The following LRTM3 variants were observed in gnomAD, a reference collection of about 807,000 sequenced individuals.
LRTM3 encodes the protein leucine-rich repeat transmembrane protein 3.
the LRTM3 span, chr13:102,749,188 T>G: frequency 5.2e-6 from 8 of 1,550,740 alleles, no homozygotes; most frequent in Non-Finnish European, 6.1e-6. Flanking sequence ...TTTGAAATAC[T>G]TGTGAAGTTG....
the LRTM3 span, chr13:102,747,350 AT>A: frequency 6.5e-6 from 10 of 1,550,226 alleles, no homozygotes; most frequent in African/African-American, 1.4e-5. Flanking sequence ...ATTGCCTCCC[AT>A]TTTTTTCCTG....
the LRTM3 span, chr13:102,735,995 T>G: frequency 6.5e-7 from 1 of 1,550,072 alleles, no homozygotes; most frequent in Non-Finnish European, 8.7e-7. Context: ...TGCCCTCAAA[T>G]GTATCCTTTT....
chr13:102,732,838 T>C, the LRTM3 span: 2 of 1,551,386 alleles, frequency 1.3e-6, no homozygotes, highest in Non-Finnish European at 1.7e-6. Context: ...TGTCCATTTC[T>C]AATTTTTTCT....
the LRTM3 span, chr13:102,745,745 C>T: frequency 1.3e-6 from 2 of 1,551,038 alleles, no homozygotes; most frequent in African/African-American, 1.4e-5. Context: ...ACCACCTTCT[C>T]TTGCATAAAA....
the LRTM3 span, chr13:102,746,725 T>C: frequency 1.1e-5 from 17 of 1,550,956 alleles, no homozygotes; most frequent in Non-Finnish European, 1.5e-5. Flanking sequence ...AATCTTTTGG[T>C]ATTTCTGTCT....
the LRTM3 span, among the ~76,000 whole-genome samples, chr13:102,752,274 G>A: frequency 6.6e-6 from 1 of 152,118 alleles, no homozygotes; most frequent in East Asian, 1.9e-4. Context: ...AATTGCTCAT[G>A]CACACATTTC....
the LRTM3 span, chr13:102,738,460 T>A: frequency 5.8e-6 from 9 of 1,550,662 alleles, no homozygotes; most frequent in Non-Finnish European, 6.1e-6. Context: ...GCACACTTGG[T>A]TCACCTTTAA....
the LRTM3 span, among the ~76,000 whole-genome samples, chr13:102,750,576 G>A: frequency 1.4e-4 from 21 of 152,014 alleles, no homozygotes; most frequent in Non-Finnish European, 2.4e-4. Flanking sequence ...ACTAATCGAC[G>A]GAAAAAGTGA....
At chr13:102,744,771 C>T in the LRTM3 span, 3 of 1,550,536 alleles carry the variant, frequency 1.9e-6, no homozygotes, top group Non-Finnish European at 2.6e-6. Flanking sequence ...ATGTTCATTG[C>T]ATTACTAGAT....
At chr13:102,758,917 A>C in the LRTM3 span, 6 of 1,528,796 alleles carry the variant, frequency 3.9e-6, no homozygotes, top group African/African-American at 8.3e-5. Context: ...TTAAAGGAAT[A>C]ATATTGCTTT....
chr13:102,749,457 G>T, the LRTM3 span: 1 of 1,551,240 alleles, frequency 6.4e-7, no homozygotes, highest in Non-Finnish European at 8.7e-7. Flanking sequence ...ATAGTGTCTT[G>T]CCCCTTAATT....
chr13:102,733,252 G>A, the LRTM3 span: 11 of 1,551,216 alleles, frequency 7.1e-6, no homozygotes, highest in Middle Eastern at 1.7e-4. Flanking sequence ...AGTTGGTGAC[G>A]ATACTTATTT....
the LRTM3 span, chr13:102,742,013 T>G: frequency 1.3e-6 from 2 of 1,550,564 alleles, no homozygotes; most frequent in East Asian, 2.4e-5. Flanking sequence ...CAATGACCTT[T>G]GCATTTCTTT....
chr13:102,744,790 C>T, the LRTM3 span: 9 of 1,550,546 alleles, frequency 5.8e-6, no homozygotes, highest in South Asian at 4.8e-5. Context: ...ATCCACTTTC[C>T]ATGTCAGTCA....
At chr13:102,732,625 G>A in the LRTM3 span, 1 of 1,551,146 alleles carries the variant, frequency 6.4e-7, no homozygotes, top group Non-Finnish European at 8.7e-7. Flanking sequence ...TATGAGTGAT[G>A]ACTTGAGTCT....
chr13:102,735,403 T>C, the LRTM3 span: 2 of 1,551,192 alleles, frequency 1.3e-6, no homozygotes, highest in East Asian at 2.4e-5. Flanking sequence ...GAGACACTTT[T>C]GCAATTCTTA....
the LRTM3 span, chr13:102,740,144 C>T: frequency 1.9e-6 from 3 of 1,547,782 alleles, no homozygotes; most frequent in Non-Finnish European, 1.7e-6. Flanking sequence ...TATCTTCTTC[C>T]CAAGTCTTAA....
the LRTM3 span, chr13:102,749,930 T>C: frequency 1.6e-4 from 250 of 1,551,156 alleles, 1 homozygote; most frequent in Non-Finnish European, 3.5e-6. Flanking sequence ...TGAAGGAATT[T>C]GATTCCTCAC....
the LRTM3 span, chr13:102,732,764 A>T: frequency 6.4e-7 from 1 of 1,551,284 alleles, no homozygotes; most frequent in South Asian, 1.2e-5. Flanking sequence ...CTCTTCTTGC[A>T]GATGTAAAGC....
Sources: allele counts gnomAD v4.1 joint callset (sites outside exome capture counted in the v4.1 genomes callset), GRCh38; gene constraint gnomAD v4.1.1; transcripts MANE v1.5; gene names NCBI Gene and HGNC (gene_info 2026-07-23, HGNC 2026-07-21).